SLC4A10: variants seen among roughly 807,000 people sequenced by gnomAD.
SLC4A10 encodes the protein sodium-driven chloride bicarbonate exchanger.
In SLC4A10, 42 loss-of-function variants were observed where a neutral mutation model predicts 137.7. That is an observed-to-expected ratio of 0.30 (90% confidence interval 0.24 to 0.39). SLC4A10 has a LOEUF of 0.39. SLC4A10 is among the 10% of genes least tolerant of loss of function. The probability of loss-of-function intolerance (pLI) is 1.00; values close to 1 mark genes in which losing one functional copy is unlikely to be tolerated. For synonymous variants in SLC4A10, 474 were observed against 464.1 expected (o/e 1.02, Z -0.27); for missense variants, 925 against 1,355.0 (o/e 0.68, Z 4.98).
intron 22 of SLC4A10, among the ~76,000 whole-genome samples, chr2:161,964,671 T>A (rs575959860): frequency 1.1e-4 from 17 of 152,294 alleles, no homozygotes; most frequent in Admixed American, 8.5e-4. Flanking sequence ...CTTCAAAAAC[T>A]ATAGTGAATT....
At chr2:161,813,951 G>A (rs1480494158) in intron 3 of SLC4A10, among the ~76,000 whole-genome samples, 2 of 151,988 alleles carry the variant, frequency 1.3e-5, no homozygotes, top group Non-Finnish European at 2.9e-5. Flanking sequence ...AGTACCCCCA[G>A]GTGATTCTTC....
At chr2:161,637,540 G>A (rs1016598350) in intron 1 of SLC4A10, among the ~76,000 whole-genome samples, 4 of 151,970 alleles carry the variant, frequency 2.6e-5, no homozygotes, top group African/African-American at 9.7e-5. Context: ...TTTATTGATG[G>A]ACACTTAATT....
At chr2:161,953,189 C>T (rs1433242733) in intron 19 of SLC4A10, among the ~76,000 whole-genome samples, 2 of 152,208 alleles carry the variant, frequency 1.3e-5, no homozygotes, top group African/African-American at 4.8e-5. Flanking sequence ...CCCAAGTCAA[C>T]TCAGAATTCC....
intron 1 of SLC4A10, among the ~76,000 whole-genome samples, chr2:161,759,197 G>A (rs1319222485): frequency 2.0e-5 from 3 of 151,862 alleles, no homozygotes; most frequent in Non-Finnish European, 4.4e-5. Flanking sequence ...CTTTATTGAA[G>A]TATAATTGAC....
chr2:161,663,519 A>G (rs2038693878), intron 1 of SLC4A10, among the ~76,000 whole-genome samples: 1 of 152,152 alleles, frequency 6.6e-6, no homozygotes, highest in Non-Finnish European at 1.5e-5. Context: ...GGAATGTAAT[A>G]TTATCAAACA....
intron 19 of SLC4A10, among the ~76,000 whole-genome samples, chr2:161,952,597 A>G (rs184630730): frequency 2.4e-4 from 36 of 152,366 alleles, no homozygotes; most frequent in African/African-American, 8.7e-4. Context: ...TTAGTAAATG[A>G]TACAGCAAAT....
intron 1 of SLC4A10, among the ~76,000 whole-genome samples, chr2:161,757,210 C>T (rs1393149824): frequency 6.6e-6 from 1 of 152,152 alleles, no homozygotes; most frequent in Admixed American, 6.6e-5. Flanking sequence ...CAGCAACACG[C>T]AGTATTCCCA....
intron 15 of SLC4A10, among the ~76,000 whole-genome samples, chr2:161,913,921 G>T (rs1176722917): frequency 6.6e-6 from 1 of 152,162 alleles, no homozygotes; most frequent in Non-Finnish European, 1.5e-5. Flanking sequence ...TCTTGTTCAT[G>T]TAAAATGTTG....
chr2:161,944,388 G>A (rs1021832259), intron 16 of SLC4A10, among the ~76,000 whole-genome samples: 1 of 151,656 alleles, frequency 6.6e-6, no homozygotes, highest in African/African-American at 2.4e-5. Flanking sequence ...TATGTGTTTT[G>A]TATTATGTGA....
At chr2:161,927,776 C>T (rs1575680876) in intron 15 of SLC4A10, among the ~76,000 whole-genome samples, 1 of 152,332 alleles carries the variant, frequency 6.6e-6, no homozygotes, top group South Asian at 2.1e-4. Flanking sequence ...AAAAAATGCT[C>T]ACCATCACTG....
At chr2:161,714,925 C>A (rs1459825054) in intron 1 of SLC4A10, among the ~76,000 whole-genome samples, 1 of 151,662 alleles carries the variant, frequency 6.6e-6, no homozygotes, top group Admixed American at 6.6e-5. Context: ...TATAATTATC[C>A]CCACTGAACT....
At chr2:161,978,241 G>A (rs1321805479) in intron 26 of SLC4A10, among the ~76,000 whole-genome samples, 1 of 151,834 alleles carries the variant, frequency 6.6e-6, no homozygotes, top group Non-Finnish European at 1.5e-5. Flanking sequence ...AAAAAAATTA[G>A]CCAGGCGTGG....
At chr2:161,672,463 A>G (rs1007000533) in intron 1 of SLC4A10, among the ~76,000 whole-genome samples, 6 of 152,060 alleles carry the variant, frequency 3.9e-5, no homozygotes, top group Non-Finnish European at 5.9e-5. Flanking sequence ...TGAGGCCAGG[A>G]GTTCAAGACC....
chr2:161,689,031 A>G (rs1263101079), intron 1 of SLC4A10, among the ~76,000 whole-genome samples: 1 of 152,214 alleles, frequency 6.6e-6, no homozygotes, highest in African/African-American at 2.4e-5. Flanking sequence ...ATAAAAGATT[A>G]TAGGATAAGT....
chr2:161,784,485 A>G (rs1574951524), intron 2 of SLC4A10, among the ~76,000 whole-genome samples: 1 of 151,914 alleles, frequency 6.6e-6, no homozygotes, highest in South Asian at 2.1e-4. Context: ...TCCAGAATAG[A>G]TCACATATTA....
intron 1 of SLC4A10, among the ~76,000 whole-genome samples, chr2:161,647,261 A>C (rs976555934): frequency 7.2e-5 from 11 of 152,078 alleles, no homozygotes; most frequent in African/African-American, 2.7e-4. Context: ...TCCTCAAATA[A>C]TTGAACAGAT....
intron 26 of SLC4A10, 25 bp downstream of exon 26, chr2:161,977,785 T>C (rs1366887606): frequency 2.6e-6 from 4 of 1,563,068 alleles, no homozygotes; most frequent in Non-Finnish European, 2.6e-6. Context: ...CTCAAATCTA[T>C]TCCTTGGTTG....
At chr2:161,958,586 TG>T in intron 21 of SLC4A10, 31 bp downstream of exon 21, 2 of 1,522,440 alleles carry the variant, frequency 1.3e-6, no homozygotes, top group South Asian at 2.3e-5. Context: ...CAGGCACATC[TG>T]TGATGACTGA....
intron 1 of SLC4A10, among the ~76,000 whole-genome samples, chr2:161,752,641 A>C (rs903386575): frequency 3.9e-5 from 6 of 152,292 alleles, no homozygotes; most frequent in South Asian, 2.1e-4. Flanking sequence ...AGCCATAAAA[A>C]TAAAAAAATC....
Sources: gnomAD v4.1 joint callset for allele counts (sites outside exome capture counted in the v4.1 genomes callset) on GRCh38, gnomAD v4.1.1 for gene constraint, MANE v1.5 for transcripts, NCBI Gene and HGNC (gene_info 2026-07-23, HGNC 2026-07-21) for gene names.